The following TSNARE1 variants were observed in gnomAD, a reference collection of about 807,000 sequenced individuals.
TSNARE1 encodes t-SNARE domain-containing protein 1.
In TSNARE1, 49 loss-of-function variants were observed where a neutral mutation model predicts 62.0. The ratio of observed to expected loss-of-function variants is 0.79; its 90% CI spans 0.63 to 1.00. TSNARE1 has a LOEUF of 1.00. TSNARE1 is among the 50% of genes least tolerant of loss of function. TSNARE1 has a pLI of 0.00. For synonymous variants in TSNARE1, 328 were observed against 294.4 expected (o/e 1.11, Z -1.17); for missense variants, 755 against 700.1 (o/e 1.08, Z -0.88).
At position 142,264,000 on chromosome 8, in the gene TSNARE1, T is replaced by TA. The variant is rs527390462; in HGVS notation, c.1446+10780dup. Among the ~76,000 whole-genome samples the TA allele has an allele frequency of 3.6e-4, 55 of 152,346 alleles. No individual in the cohort carries two copies. In the East Asian group the frequency reaches 8.3e-3, roughly 23 times the overall value. ...GGGTTCATTCTGTTGTTCCTTTACT[T>TA]AAAAAAAGTCTTTTTAATGTCTATT... On this transcript the variant is annotated intron_variant, in intron 12 of 13. Coordinates refer to ENST00000524325, the MANE Select transcript of TSNARE1 (RefSeq NM_145003.5).
intron 10 of TSNARE1, among the ~76,000 whole-genome samples, chr8:142,292,592 T>C (rs1474130437): frequency 6.6e-6 from 1 of 152,120 alleles, no homozygotes; most frequent in East Asian, 1.9e-4. Context: ...AGGCTGTCGA[T>C]GAGCTCTTCT....
chr8:142,272,172 C>T (rs931807648), intron 12 of TSNARE1, among the ~76,000 whole-genome samples: 2 of 150,038 alleles, frequency 1.3e-5, no homozygotes, highest in African/African-American at 5.0e-5. Context: ...TCCGTCTACT[C>T]ACCCATTTAT....
intron 2 of TSNARE1, among the ~76,000 whole-genome samples, chr8:142,347,218 CAG>C (rs1833488941): frequency 6.6e-6 from 1 of 152,254 alleles, no homozygotes; most frequent in African/African-American, 2.4e-5. Context: ...CAAAGTAGAT[CAG>C]AGTCAGAAGA....
chr8:142,393,426 G>A (rs996122644), intron 1 of TSNARE1, among the ~76,000 whole-genome samples: 10 of 152,214 alleles, frequency 6.6e-5, no homozygotes, highest in African/African-American at 1.4e-4. Context: ...TGGCGGCCGC[G>A]TCGGCCAATC....
At chr8:142,268,683 T>G (rs557185305) in intron 12 of TSNARE1, among the ~76,000 whole-genome samples, 1 of 152,342 alleles carries the variant, frequency 6.6e-6, no homozygotes, top group East Asian at 1.9e-4. Context: ...TCCCAGTCAG[T>G]GGGCTGAGAT....
intron 1 of TSNARE1, among the ~76,000 whole-genome samples, chr8:142,381,314 G>A (rs1249722800): frequency 2.0e-5 from 3 of 152,246 alleles, no homozygotes; most frequent in South Asian, 2.1e-4. Flanking sequence ...TGCCCACTCT[G>A]TGATGGTCCC....
At chr8:142,404,664 T>G (rs1455037830), upstream of TSNARE1, 2 of 152,246 alleles carry the variant, frequency 1.3e-5, no homozygotes, top group Non-Finnish European at 2.9e-5. Context: ...ACAGCTAGAG[T>G]GCAGGGAAGC....
At chr8:142,354,446 C>A (rs765246184) in intron 2 of TSNARE1, among the ~76,000 whole-genome samples, 191 bp downstream of exon 2, 24 of 152,170 alleles carry the variant, frequency 1.6e-4, no homozygotes, top group Non-Finnish European at 3.5e-4. Context: ...CCCAGGACAG[C>A]CACTCCTGAT....
At chr8:142,310,988 A>G (rs1827484943) in intron 9 of TSNARE1, among the ~76,000 whole-genome samples, 1 of 152,010 alleles carries the variant, frequency 6.6e-6, no homozygotes, top group African/African-American at 2.4e-5. Context: ...AGCTGGGATT[A>G]CAGGCACCTG....
rs137950899 is a variant in TSNARE1 at position 142,219,147 on chromosome 8, CCTG to C, written c.*12-6837_*12-6835del. Among the ~76,000 whole-genome samples the C allele has an allele frequency of 9.4e-3, 1,427 of 152,262 alleles. 22 individuals are homozygous for C. Among genetic ancestry groups the C allele is most frequent in the African/African-American group, 0.032 (1,323 of 41,540 alleles). ...AGTGTCACCTCCTGGGTGGTGCTTC[CCTG>C]GGGTGGGGCCAGAATCCCTGTTTCT... On this transcript the variant is annotated intron_variant, in intron 13 of 13. Coordinates refer to ENST00000524325, the MANE Select transcript of TSNARE1 (RefSeq NM_145003.5).
chr8:142,240,958 A>C (rs759051912), intron 12 of TSNARE1, among the ~76,000 whole-genome samples: 2 of 152,256 alleles, frequency 1.3e-5, no homozygotes, highest in African/African-American at 4.8e-5. Flanking sequence ...GATCAGGAAC[A>C]AGACAAGGGT....
intron 5 of TSNARE1, among the ~76,000 whole-genome samples, chr8:142,331,376 G>A (rs1021313124): frequency 1.3e-5 from 2 of 152,194 alleles, no homozygotes; most frequent in Admixed American, 6.5e-5. Context: ...AGAGGCCCTG[G>A]GATGCTCCTT....
intron 11 of TSNARE1, chr8:142,276,490 G>T: frequency 1.0e-6 from 1 of 985,468 alleles, no homozygotes; most frequent in African/African-American, 1.7e-5. Flanking sequence ...TAACAGCCTG[G>T]CCTCGCTTCT....
intron 13 of TSNARE1, among the ~76,000 whole-genome samples, chr8:142,217,328 AAAGAAAGAAAGAAAGAAAGAAAGAAAG>A: frequency 2.1e-5 from 1 of 47,900 alleles, no homozygotes; most frequent in Non-Finnish European, 5.2e-5. Context: ...AGAAAGAAAG[AAAGAAAGAAAGAAAGAAAGAAAGAAAG>A]AAAGAAAGAA....
intron 12 of TSNARE1, among the ~76,000 whole-genome samples, chr8:142,244,985 G>GA (rs888418845): frequency 6.6e-6 from 1 of 152,160 alleles, no homozygotes; most frequent in Non-Finnish European, 1.5e-5. Context: ...CATTACGACG[G>GA]AAAAAAACCA....
At chr8:142,217,224 A>G (rs977286662) in intron 13 of TSNARE1, among the ~76,000 whole-genome samples, 1 of 151,754 alleles carries the variant, frequency 6.6e-6, no homozygotes, top group African/African-American at 2.4e-5. Flanking sequence ...AACCTGGGCA[A>G]CAGAGCAAGA....
chr8:142,371,792 T>G (rs1835936438), intron 1 of TSNARE1, among the ~76,000 whole-genome samples: 1 of 152,086 alleles, frequency 6.6e-6, no homozygotes, highest in African/African-American at 2.4e-5. Flanking sequence ...GAATACAAAT[T>G]TTTAGCCTAA....
chr8:142,299,267 C>T (rs1157405167), intron 10 of TSNARE1, among the ~76,000 whole-genome samples: 2 of 152,238 alleles, frequency 1.3e-5, no homozygotes, highest in African/African-American at 4.8e-5. Context: ...GTGGGGTATT[C>T]CCTTCCTTCG....
chr8:142,269,361 C>G (rs1239276662), intron 12 of TSNARE1: 2 of 890,636 alleles, frequency 2.2e-6, no homozygotes, highest in African/African-American at 1.8e-5. Flanking sequence ...AGTCAGGACA[C>G]AGTGTGGGGT....
Sources: allele counts gnomAD v4.1 joint callset (sites outside exome capture counted in the v4.1 genomes callset), GRCh38; gene constraint gnomAD v4.1.1; transcripts MANE v1.5; gene names NCBI Gene and HGNC (gene_info 2026-07-23, HGNC 2026-07-21).